SERGEF: variants seen among roughly 807,000 people sequenced by gnomAD.
SERGEF encodes the protein secretion regulating guanine nucleotide exchange factor.
Under a neutral mutation model 50.0 loss-of-function variants are expected in SERGEF, and 51 were observed. The ratio of observed to expected loss-of-function variants is 1.02; its 90% CI spans 0.81 to 1.29. The LOEUF (loss-of-function observed/expected upper bound fraction) is 1.29. Ranked by LOEUF, SERGEF falls within the 50% of genes most tolerant of loss-of-function variation. The pLI, the probability that SERGEF is intolerant of heterozygous loss-of-function variation, is 0.00. For missense variants in SERGEF, 521 were observed against 557.0 expected, an observed-to-expected ratio of 0.94 and a Z score of 0.65; for synonymous variants, 205 against 212.4, an observed-to-expected ratio of 0.97 and a Z score of 0.30.
chr11:17,840,922 C>A (rs536512805), intron 10 of SERGEF, among the ~76,000 whole-genome samples: 1 of 152,324 alleles, frequency 6.6e-6, no homozygotes, highest in South Asian at 2.1e-4. Context: ...AATAAAAGCA[C>A]ACATGTCAAA....
At chr11:17,879,103 C>A (rs1336969460) in intron 9 of SERGEF, among the ~76,000 whole-genome samples, 1 of 152,180 alleles carries the variant, frequency 6.6e-6, no homozygotes, top group African/African-American at 2.4e-5. Flanking sequence ...CAGTTAACAT[C>A]TGCTAAATGA....
rs1851273151 is a variant in SERGEF, at chr11:17,878,198, A to G, written c.1048+10T>C. 6.3e-7 allele frequency: 1 copy of G among 1,575,340 alleles called. No individual in the cohort carries two copies. The highest frequency in any genetic ancestry group is 1.1e-5 in the South Asian group (1 of 87,680). On this transcript the variant is annotated intron_variant, in intron 10 of 10. Coordinates refer to ENST00000265965, the MANE Select transcript of SERGEF (RefSeq NM_012139.4). ...CAGAAGAAACAGTTATCAGTATAAAAATTACTTACCAATTATTGCCAAATT... is the reference window on the plus strand; with the variant it reads ...CAGAAGAAACAGTTATCAGTATAAAGATTACTTACCAATTATTGCCAAATT...
intron 9 of SERGEF, 96 bp downstream of exon 9, chr11:17,959,374 A>T: frequency 8.9e-7 from 1 of 1,123,312 alleles, no homozygotes; most frequent in Non-Finnish European, 1.3e-6. Context: ...CATGGTACCT[A>T]TCCATAACGC....
At position 18,012,768 on chromosome 11, in the gene SERGEF, C is replaced by T; in HGVS notation, c.60+183G>A. ...GGCCCCTAAGTCGACCGCGAAGACC[C>T]TTCCTTCCCCGCCCGCCCGCTCCTC... On this transcript the variant is annotated intron_variant, in intron 1 of 10. Transcript: ENST00000265965. The T allele has an allele frequency of 2.8e-6, 4 of 1,441,654 alleles. No individual in the cohort carries two copies. In the South Asian group the frequency reaches 5.0e-5, roughly 18 times the overall value. The allele number at this position is 1,441,654 out of a possible 1,614,324, so 89.3% of individuals were successfully genotyped here. A position where few individuals can be genotyped will look rare whatever the true frequency, so the allele number is the denominator to read the frequency against.
At chr11:17,938,250 A>G (rs543974992) in intron 9 of SERGEF, among the ~76,000 whole-genome samples, 11 of 152,280 alleles carry the variant, frequency 7.2e-5, no homozygotes, top group Non-Finnish European at 1.5e-4. Context: ...AAATACAACC[A>G]TCAGACATTT....
rs538983014 is a variant in SERGEF, at chr11:17,888,871, C to T, written c.1012-10627G>A. ...GAGCCTGGAACATGTATTTGTACCA[C>T]GAAGTAAGAAAGTGATAAAAGAGTA... On this transcript the variant is annotated intron_variant, in intron 9 of 10. Transcript: ENST00000265965. This position sits in a 1 kb window ranked among gnomAD's most constrained non-coding sequence, Gnocchi z 4.1. Among the ~76,000 whole-genome samples, 2 of 152,020 alleles carry T rather than the reference C, an allele frequency of 1.3e-5. No homozygotes were observed. The highest frequency in any genetic ancestry group is 4.2e-4 in the South Asian group (2 of 4,812).
At chr11:17,893,486 T>C (rs1297330091) in intron 9 of SERGEF, among the ~76,000 whole-genome samples, 1 of 152,192 alleles carries the variant, frequency 6.6e-6, no homozygotes, top group Non-Finnish European at 1.5e-5. Context: ...ATATCCCCAC[T>C]CTTTTCATAT....
intron 10 of SERGEF, among the ~76,000 whole-genome samples, chr11:17,873,205 C>A (rs1438288381): frequency 6.6e-6 from 1 of 152,190 alleles, no homozygotes; most frequent in Non-Finnish European, 1.5e-5. Flanking sequence ...AGACCTAACA[C>A]ACAAATTCTT....
In SERGEF at chr11:17,978,291, AT is replaced by A. The variant is rs926328093; in HGVS notation, c.844+10305del. On this transcript the variant is annotated intron_variant, in intron 8 of 10. Coordinates refer to ENST00000265965, the MANE Select transcript of SERGEF (RefSeq NM_012139.4). ...CCCCTTGGAAATTAAAAAAAAAAAAATGTTCTTATTCAACCAATTGTGCTAA... is the reference window on the plus strand; with the variant it reads ...CCCCTTGGAAATTAAAAAAAAAAAAAGTTCTTATTCAACCAATTGTGCTAA... Among the ~76,000 whole-genome samples, 78 of 152,106 alleles carry A rather than the reference AT, an allele frequency of 5.1e-4. 1 individual carries two copies. The highest frequency in any genetic ancestry group is 1.8e-3 in the African/African-American group (75 of 41,484).
At chr11:17,849,837 T>C (rs1850679639) in intron 10 of SERGEF, among the ~76,000 whole-genome samples, 1 of 152,250 alleles carries the variant, frequency 6.6e-6, no homozygotes, top group Admixed American at 6.5e-5. Flanking sequence ...AACTCAAGTA[T>C]GTCTTACTCA....
intron 10 of SERGEF, among the ~76,000 whole-genome samples, chr11:17,851,742 T>C (rs1267820087): frequency 1.4e-4 from 22 of 152,220 alleles, no homozygotes; most frequent in Non-Finnish European, 2.1e-4. Flanking sequence ...CTTGCATTCA[T>C]GCATTATTGC....
At chr11:17,887,875 T>C (rs917096585) in intron 9 of SERGEF, among the ~76,000 whole-genome samples, 2 of 152,164 alleles carry the variant, frequency 1.3e-5, no homozygotes, top group African/African-American at 4.8e-5. Flanking sequence ...TGCAGACTGG[T>C]AAAATTCCAC....
intron 8 of SERGEF, among the ~76,000 whole-genome samples, chr11:17,961,161 G>C (rs1257158342): frequency 6.6e-6 from 1 of 152,178 alleles, no homozygotes. Context: ...TCAGAGAAGT[G>C]ACTAGCCCAG....
chr11:17,897,386 C>A (rs1277412692), intron 9 of SERGEF, among the ~76,000 whole-genome samples: 4 of 152,164 alleles, frequency 2.6e-5, no homozygotes, highest in African/African-American at 9.7e-5. Context: ...CCAGCCAATC[C>A]CACCCAGACT....
chr11:17,993,024 C>T, intron 6 of SERGEF, 31 bp from the exon 7 acceptor site: 4 of 1,591,066 alleles, frequency 2.5e-6, no homozygotes, highest in Non-Finnish European at 2.6e-6. Context: ...TTCTGAATTA[C>T]ATTTATAACA....
At chr11:17,913,383 C>T (rs942595961) in intron 9 of SERGEF, among the ~76,000 whole-genome samples, 1 of 152,222 alleles carries the variant, frequency 6.6e-6, no homozygotes, top group African/African-American at 2.4e-5. Flanking sequence ...GCCCCTGACC[C>T]CAGCCCTAGC....
At chr11:17,794,310 G>C (rs1000181829) in intron 10 of SERGEF, among the ~76,000 whole-genome samples, 3 of 152,174 alleles carry the variant, frequency 2.0e-5, no homozygotes, top group African/African-American at 7.2e-5. Flanking sequence ...ATGTGGATGC[G>C]ATAGCTGGAG....
chr11:17,981,624 C>T (rs778443823), intron 8 of SERGEF, among the ~76,000 whole-genome samples: 7 of 152,110 alleles, frequency 4.6e-5, no homozygotes, highest in Non-Finnish European at 1.0e-4. Context: ...AAAGGTGGTC[C>T]GTGAGAGTTA....
chr11:17,913,728 C>T (rs1395406894), intron 9 of SERGEF, among the ~76,000 whole-genome samples: 2 of 152,156 alleles, frequency 1.3e-5, no homozygotes, highest in Non-Finnish European at 2.9e-5. Context: ...AAATGCAATG[C>T]CAGTGACTCC....
Sources: allele counts gnomAD v4.1 joint callset (sites outside exome capture counted in the v4.1 genomes callset), GRCh38; gene constraint gnomAD v4.1.1; non-coding constraint Gnocchi (gnomAD v3.1); transcripts MANE v1.5; gene names NCBI Gene and HGNC (gene_info 2026-07-23, HGNC 2026-07-21).